The following FBN2 variants were observed in gnomAD, a reference collection of about 807,000 sequenced individuals.
FBN2 encodes fibrillin-2.
A neutral mutation model predicts 355.6 loss-of-function variants in FBN2; 105 were observed. That is an observed-to-expected ratio of 0.30 (90% CI 0.25 to 0.35). The LOEUF is 0.35. Among genes scored for constraint, FBN2 ranks in the 10% least tolerant of loss-of-function variants. The probability of loss-of-function intolerance (pLI) is 1.00; values close to 1 mark genes in which losing one functional copy is unlikely to be tolerated. For missense variants in FBN2, 3,280 were observed against 3,758.7 expected (o/e 0.87, Z 3.33); for synonymous variants, 1,350 against 1,301.2 (o/e 1.04, Z -0.81).
intron 4 of FBN2, among the ~76,000 whole-genome samples, chr5:128,520,436 C>T (rs1285870039): frequency 6.6e-6 from 1 of 152,112 alleles, no homozygotes; most frequent in Non-Finnish European, 1.5e-5. Flanking sequence ...TATTCTATGA[C>T]CTGTGTCCAC....
At chr5:128,394,701 T>A (rs1439795451) in intron 9 of FBN2, among the ~76,000 whole-genome samples, 1 of 152,174 alleles carries the variant, frequency 6.6e-6, no homozygotes, top group Non-Finnish European at 1.5e-5. Context: ...AACAATGCTA[T>A]CACACTCCCC....
At chr5:128,494,743 G>A (rs575365156) in intron 5 of FBN2, among the ~76,000 whole-genome samples, 2 of 152,252 alleles carry the variant, frequency 1.3e-5, no homozygotes, top group Admixed American at 6.5e-5. Context: ...CACTGCAGAA[G>A]AAACAGACTT....
intron 39 of FBN2, among the ~76,000 whole-genome samples, chr5:128,310,362 G>T (rs1750000246): frequency 2.7e-5 from 3 of 112,938 alleles, no homozygotes; most frequent in South Asian, 3.2e-4. Flanking sequence ...AATTTCCTTG[G>T]CACATATATA....
intron 4 of FBN2, among the ~76,000 whole-genome samples, chr5:128,523,965 A>AT (rs951475565): frequency 1.5e-4 from 22 of 151,006 alleles, no homozygotes; most frequent in South Asian, 2.1e-4. Context: ...CAGACAGGTG[A>AT]TTTTTTTTTA....
chr5:128,301,595 T>C (rs533158197), intron 46 of FBN2, 85 bp from the exon 47 acceptor site: 12 of 1,298,666 alleles, frequency 9.2e-6, no homozygotes, highest in South Asian at 1.2e-5. Context: ...AACATACTTA[T>C]TGGCATGCAT....
intron 7 of FBN2, among the ~76,000 whole-genome samples, chr5:128,445,263 G>A (rs1338696823): frequency 6.6e-6 from 1 of 151,762 alleles, no homozygotes; most frequent in African/African-American, 2.4e-5. Flanking sequence ...CTTCCTAGAG[G>A]GAGCATGAAA....
intron 20 of FBN2, among the ~76,000 whole-genome samples, chr5:128,353,219 C>G (rs1751415652): frequency 6.6e-6 from 1 of 151,964 alleles, no homozygotes; most frequent in Non-Finnish European, 1.5e-5. Context: ...AAAATACCCC[C>G]CTGCCCCCAA....
intron 34 of FBN2, among the ~76,000 whole-genome samples, chr5:128,322,877 A>G (rs1313766121): frequency 6.6e-6 from 1 of 152,168 alleles, no homozygotes; most frequent in Non-Finnish European, 1.5e-5. Flanking sequence ...GGCCATTTTC[A>G]TGATACTGAT....
chr5:128,396,457 A>T (rs535844299), intron 8 of FBN2, among the ~76,000 whole-genome samples: 25 of 152,298 alleles, frequency 1.6e-4, no homozygotes, highest in African/African-American at 4.8e-4. Flanking sequence ...AAATAAGGTG[A>T]CCACTCAGAG....
chr5:128,287,201 A>T (rs1484913596), intron 54 of FBN2, 107 bp downstream of exon 54: 1 of 1,285,832 alleles, frequency 7.8e-7, no homozygotes, highest in East Asian at 2.3e-5. Context: ...TCATATATAT[A>T]TTTCTGTAAA....
intron 12 of FBN2, 23 bp downstream of exon 12, chr5:128,378,748 T>A: frequency 6.2e-7 from 1 of 1,612,376 alleles, no homozygotes; most frequent in Non-Finnish European, 8.5e-7. Context: ...AACATTTTCA[T>A]ATGTGAAAGC....
Position 128,309,418 on chromosome 5 carries a change from A to C in FBN2, c.5201-19T>G, listed in dbSNP as rs1749972216. 1.2e-6 allele frequency: 2 copies of C among 1,611,346 alleles called. No individual in the cohort carries two copies. The highest frequency in any genetic ancestry group is 2.7e-5 in the African/African-American group (2 of 74,882). On this transcript the variant is annotated intron_variant, in intron 40 of 64. Coordinates refer to ENST00000262464, the MANE Select transcript of FBN2 (RefSeq NM_001999.4). Reference sequence around the variant, plus strand: ...CTCATGTCTATATAAAGAAAAACAAAGAAACTAGCCATTTGTATCCACGAG... The same window carrying C: ...CTCATGTCTATATAAAGAAAAACAACGAAACTAGCCATTTGTATCCACGAG...
At chr5:128,522,598 G>A (rs1376719198) in intron 4 of FBN2, among the ~76,000 whole-genome samples, 4 of 152,124 alleles carry the variant, frequency 2.6e-5, no homozygotes, top group East Asian at 1.9e-4. Flanking sequence ...AAGACAAGAC[G>A]TCTGCAGCAG....
chr5:128,345,666 C>T (rs1213846247), intron 23 of FBN2, 82 bp from the exon 24 acceptor site: 2 of 1,277,442 alleles, frequency 1.6e-6, no homozygotes, highest in Non-Finnish European at 2.3e-6. Context: ...TGCTCAGCAC[C>T]AGGCATCATG....
At chr5:128,494,763 C>T (rs1257217687) in intron 5 of FBN2, among the ~76,000 whole-genome samples, 1 of 152,160 alleles carries the variant, frequency 6.6e-6, no homozygotes, top group Non-Finnish European at 1.5e-5. Flanking sequence ...TCACTAAGAT[C>T]GTCCAGCCAA....
chr5:128,494,347 A>T (rs1309591497), intron 5 of FBN2, among the ~76,000 whole-genome samples: 3 of 152,178 alleles, frequency 2.0e-5, no homozygotes, highest in Non-Finnish European at 4.4e-5. Context: ...TTTTGATGGT[A>T]GGCAATTAAA....
chr5:128,304,995 T>C lies in FBN2; in HGVS notation c.5762A>G (p.Asn1921Ser), dbSNP rs1160016215. The C allele has an allele frequency of 8.1e-6, 13 of 1,613,872 alleles. No homozygotes were observed. Among genetic ancestry groups the C allele is most frequent in the Non-Finnish European group, 9.3e-6 (11 of 1,179,998 alleles). ...CTGGTCCTGAGAAGCCTTAAAGCCA[T>C]TGTGGCAGATGCACTGGTAACTTCC... ...LQGSYQCICH[N>S]GFKASQDQTM... Residue 1921 changes from asparagine (N) to serine (S), a missense_variant, in exon 45 of 65, where the codon AAT becomes AGT. This residue lies in a region of FBN2 where 2,284 missense variants were observed against 2,749.5 expected (regional missense o/e 0.83). Coordinates refer to ENST00000262464, the MANE Select transcript of FBN2 (RefSeq NM_001999.4).
rs1306882410 is a variant in FBN2, at chr5:128,288,678, G to A, written c.6638-121C>T. The stretch of plus-strand genomic sequence containing the variant: ...ATCTGAGAAGGGCACATGTAACCCT[G>A]GCATCCCTTGGGCCTTGGCTGGCTG... On this transcript the variant is annotated intron_variant, in intron 52 of 64. Coordinates refer to ENST00000262464, the MANE Select transcript of FBN2 (RefSeq NM_001999.4). The A allele has an allele frequency of 2.2e-5, 25 of 1,124,866 alleles. 1 individual carries two copies. The highest frequency in any genetic ancestry group is 1.9e-4 in the Admixed American group (11 of 57,758). 69.7% of individuals were successfully genotyped at this position (1,124,866 alleles called of 1,614,324 possible).
rs750837082 is a variant in FBN2, at chr5:128,305,076, T to C, written c.5681A>G (p.Asn1894Ser). The change falls in exon 45 of 65, where the codon AAT (asparagine) becomes AGT (serine). Residue 1894 changes from asparagine (N) to serine (S), a missense_variant. Physicochemically the swap from Asn to Ser is conservative, Grantham distance 46. Coordinates refer to ENST00000262464, the MANE Select transcript of FBN2 (RefSeq NM_001999.4). ...LSPNGACVDR[N>S]ECLEIPNVCS... ...AACGTTAGGAATTTCTAAACATTCA[T>C]TGCGATCTAAAACAGAAAAAAATAA... The C allele has an allele frequency of 1.6e-5, 25 of 1,610,236 alleles. No homozygotes were observed. Among genetic ancestry groups the C allele is most frequent in the African/African-American group, 9.5e-5 (7 of 73,952 alleles).
Sources: gnomAD v4.1 joint callset for allele counts (sites outside exome capture counted in the v4.1 genomes callset) on GRCh38, gnomAD v4.1.1 for gene constraint, gnomAD v4.1.1 regional missense constraint, MANE v1.5 for transcripts, NCBI Gene and HGNC (gene_info 2026-07-23, HGNC 2026-07-21) for gene names.